Variants in CD70 observed in about 807,000 individuals in gnomAD.
CD70 encodes the protein CD70 molecule.
Under a neutral mutation model 9.0 loss-of-function variants are expected in CD70, and 6 were observed. That is an observed-to-expected ratio of 0.67 (90% CI 0.37 to 1.32). The LOEUF (loss-of-function observed/expected upper bound fraction) is 1.32. Ranked by LOEUF, CD70 falls within the 40% of genes most tolerant of loss-of-function variation. The pLI, the probability that CD70 is intolerant of heterozygous loss-of-function variation, is 0.02. For synonymous variants in CD70, 108 were observed against 112.3 expected (o/e 0.96, Z 0.24); for missense variants, 235 against 258.7 (o/e 0.91, Z 0.63).
downstream of CD70, among the ~76,000 whole-genome samples, chr19:6,584,275 C>T (rs926745131): frequency 4.0e-5 from 6 of 151,532 alleles, no homozygotes; most frequent in African/African-American, 1.5e-4. Flanking sequence ...TTTGGGAGGC[C>T]GAGGCGGGTG....
chr19:6,591,066 G>T lies in CD70; in HGVS notation c.-64C>A. On this transcript the variant is annotated 5_prime_UTR_variant, in exon 1 of 3. Coordinates refer to ENST00000245903, the MANE Select transcript of CD70 (RefSeq NM_001252.5). ...TGGGGGCGCGGAGCGCTGCCGAGAAGGAAGGAAGGAAACTGCAGCCCCCTC... is the reference window on the plus strand; with the variant it reads ...TGGGGGCGCGGAGCGCTGCCGAGAATGAAGGAAGGAAACTGCAGCCCCCTC... 1 of 1,505,498 alleles carries T rather than the reference G, an allele frequency of 6.6e-7. No homozygotes were observed. The highest frequency in any genetic ancestry group is 8.9e-7 in the Non-Finnish European group (1 of 1,127,894). The allele number at this position is 1,505,498 out of a possible 1,614,324, so 93.3% of individuals were successfully genotyped here. A position where few individuals can be genotyped will look rare whatever the true frequency, so the allele number is the denominator to read the frequency against.
At position 6,590,889 on chromosome 19, in the gene CD70, G is replaced by A; in HGVS notation, c.114C>T (p.Ile38=). ...GCTGCTGAGCCTGTGCGAAGCGCTG[G>A]ATGCACACCACGAGGCAGATCACCA... ...AGLVICLVVC[I]QRFAQAQQQL... is the part of the protein sequence containing the mutation. Residue 38 remains isoleucine (I), a synonymous_variant, in exon 1 of 3, where the codon ATC becomes ATT. Coordinates refer to ENST00000245903, the MANE Select transcript of CD70 (RefSeq NM_001252.5). This position sits in a 1 kb window ranked among gnomAD's most constrained non-coding sequence, Gnocchi z 5.3. 1.9e-6 allele frequency: 3 copies of A among 1,614,096 alleles called. No homozygotes were observed. The highest frequency in any genetic ancestry group is 2.5e-6 in the Non-Finnish European group (3 of 1,180,016).
chr19:6,591,067 GA>G lies in CD70; in HGVS notation c.-66del. The G allele has an allele frequency of 6.6e-7, 1 of 1,507,844 alleles. No individual in the cohort carries two copies. Among genetic ancestry groups the G allele is most frequent in the Non-Finnish European group, 8.9e-7 (1 of 1,129,406 alleles). 93.4% of individuals were successfully genotyped at this position (1,507,844 alleles called of 1,614,324 possible). On this transcript the variant is annotated 5_prime_UTR_variant, in exon 1 of 3. Coordinates refer to ENST00000245903, the MANE Select transcript of CD70 (RefSeq NM_001252.5). ...GGGGGCGCGGAGCGCTGCCGAGAAG[GA>G]AGGAAGGAAACTGCAGCCCCCTCCC...
rs1916150586 is a variant in CD70, at chr19:6,591,124, T to A, written c.-122A>T. ...TCCTGGGCGTCTACTTGCTTCAACC[T>A]GTCAGGGGACCAGCCTGCCCCTCTC... On this transcript the variant is annotated 5_prime_UTR_variant, in exon 1 of 3. Transcript: ENST00000245903. 1 of 1,085,946 alleles carries A rather than the reference T, an allele frequency of 9.2e-7. No homozygotes were observed. Among genetic ancestry groups the A allele is most frequent in the Non-Finnish European group, 1.3e-6 (1 of 786,954 alleles). 67.3% of individuals were successfully genotyped at this position (1,085,946 alleles called of 1,614,324 possible).
At chr19:6,589,842 TCTC>T (rs1916113847) in intron 2 of CD70, among the ~76,000 whole-genome samples, 1 of 57,600 alleles carries the variant, frequency 1.7e-5, no homozygotes, top group South Asian at 7.6e-4. Context: ...TTCCCCTTCT[TCTC>T]CTGTCCCGTC....
At chr19:6,586,642 T>C (rs1448217987) in intron 2 of CD70, among the ~76,000 whole-genome samples, 1 of 151,596 alleles carries the variant, frequency 6.6e-6, no homozygotes, top group Non-Finnish European at 1.5e-5. Context: ...CTACAAAAAA[T>C]AAAAAGTCAG....
intron 2 of CD70, among the ~76,000 whole-genome samples, 153 bp downstream of exon 2, chr19:6,589,949 CT>C (rs11361927): frequency 0.28 from 41,913 of 150,032 alleles, 6,721 homozygotes; most frequent in Non-Finnish European, 0.36. Flanking sequence ...CTGTCTCCCC[CT>C]CTCCGTTTCC....
At chr19:6,583,784 T>C (rs1374169999), downstream of CD70, among the ~76,000 whole-genome samples, 1 of 124,230 alleles carries the variant, frequency 8.0e-6, no homozygotes, top group Non-Finnish European at 1.7e-5. Flanking sequence ...GTAACTGTGG[T>C]CTTGATTTTT....
In CD70 at chr19:6,591,051, G is replaced by C; in HGVS notation, c.-49C>G. On this transcript the variant is annotated 5_prime_UTR_variant, in exon 1 of 3. Coordinates refer to ENST00000245903, the MANE Select transcript of CD70 (RefSeq NM_001252.5). ...GCGCAGGAGGGGCGATGGGGGCGCG[G>C]AGCGCTGCCGAGAAGGAAGGAAGGA... 1 of 1,532,278 alleles carries C rather than the reference G, an allele frequency of 6.5e-7. No homozygotes were observed. The highest frequency in any genetic ancestry group is 1.3e-5 in the South Asian group (1 of 79,480). The allele number at this position is 1,532,278 out of a possible 1,614,324, so 94.9% of individuals were successfully genotyped here. A position where few individuals can be genotyped will look rare whatever the true frequency, so the allele number is the denominator to read the frequency against.
At chr19:6,584,087 C>G (rs1009229821), downstream of CD70, among the ~76,000 whole-genome samples, 1 of 149,038 alleles carries the variant, frequency 6.7e-6, no homozygotes, top group Non-Finnish European at 1.5e-5. Flanking sequence ...GCCACCGCGC[C>G]TGGCCTGTAG....
downstream of CD70, among the ~76,000 whole-genome samples, chr19:6,582,796 C>T (rs1199142043): frequency 6.6e-6 from 1 of 152,140 alleles, no homozygotes; most frequent in East Asian, 1.9e-4. Flanking sequence ...CAAGTCTTTG[C>T]TATTGTGAAT....
Position 6,590,390 on chromosome 19 carries a change from G to A in CD70, c.163-254C>T, listed in dbSNP as rs770330201. Among the ~76,000 whole-genome samples, 2 of 152,184 alleles carry A rather than the reference G, an allele frequency of 1.3e-5. No homozygotes were observed. Among genetic ancestry groups the A allele is most frequent in the African/African-American group, 4.8e-5 (2 of 41,450 alleles). On this transcript the variant is annotated intron_variant, in intron 1 of 2. Coordinates refer to ENST00000245903, the MANE Select transcript of CD70 (RefSeq NM_001252.5). The surrounding 1 kb of genome is among the most constrained non-coding windows in gnomAD (Gnocchi z 5.3). The stretch of plus-strand genomic sequence containing the variant: ...CTTCGTTTCCCGAATCGTTTTCCTG[G>A]ATGTCACTGGGCGCGAGAGCACCGC...
chr19:6,590,019 C>T lies in CD70; in HGVS notation c.196+84G>A, dbSNP rs1420725645. 1.8e-6 allele frequency: 2 copies of T among 1,093,868 alleles called. No individual in the cohort carries two copies. The highest frequency in any genetic ancestry group is 2.7e-6 in the Non-Finnish European group (2 of 733,298). 67.8% of individuals were successfully genotyped at this position (1,093,868 alleles called of 1,614,324 possible). A position where few individuals can be genotyped will look rare whatever the true frequency, so the allele number is the denominator to read the frequency against. On this transcript the variant is annotated intron_variant, in intron 2 of 2. Transcript: ENST00000245903. The surrounding 1 kb of genome is among the most constrained non-coding windows in gnomAD (Gnocchi z 5.3). ...TCTGTCTGTGTCTCTTTCTCTCTGT[C>T]TCTCCCCACTTGTCTTTCTACCTCT... is the stretch of plus-strand genomic sequence containing the variant.
At chr19:6,588,941 T>C (rs902458375) in intron 2 of CD70, among the ~76,000 whole-genome samples, 1 of 152,172 alleles carries the variant, frequency 6.6e-6, no homozygotes, top group African/African-American at 2.4e-5. Flanking sequence ...TTAGTGCTTG[T>C]AGCATGAATG....
chr19:6,584,084 C>T (rs557866869), downstream of CD70, among the ~76,000 whole-genome samples: 190 of 148,576 alleles, frequency 1.3e-3, 2 homozygotes, highest in Admixed American at 0.011. Context: ...TGAGCCACCG[C>T]GCCTGGCCTG....
chr19:6,581,773 C>T (rs441751), downstream of CD70, among the ~76,000 whole-genome samples: 56,224 of 151,888 alleles, frequency 0.37, 11,178 homozygotes, highest in Non-Finnish European at 0.45. Flanking sequence ...AGTATAATGT[C>T]CTCAAACTAG....
downstream of CD70, among the ~76,000 whole-genome samples, chr19:6,582,502 C>T (rs948844732): frequency 8.6e-5 from 13 of 151,344 alleles, no homozygotes; most frequent in Non-Finnish European, 1.8e-4. Context: ...CTATCCCTCC[C>T]CCCCTCCCCC....
chr19:6,588,893 C>A (rs1233242779), intron 2 of CD70, among the ~76,000 whole-genome samples: 1 of 152,204 alleles, frequency 6.6e-6, no homozygotes, highest in African/African-American at 2.4e-5. Flanking sequence ...TGCGCGACTG[C>A]AGTACCGGAA....
downstream of CD70, among the ~76,000 whole-genome samples, chr19:6,584,069 A>C (rs1915969931): frequency 6.8e-6 from 1 of 147,626 alleles, no homozygotes. Flanking sequence ...CTGGGACTAC[A>C]GGCATGAGCC....
Sources: allele counts gnomAD v4.1 joint callset (sites outside exome capture counted in the v4.1 genomes callset), GRCh38; gene constraint gnomAD v4.1.1; non-coding constraint Gnocchi (gnomAD v3.1); transcripts MANE v1.5; gene names NCBI Gene and HGNC (gene_info 2026-07-23, HGNC 2026-07-21).